The following SYN3 variants were observed in gnomAD, a reference collection of about 807,000 sequenced individuals.
SYN3 encodes synapsin-3.
SYN3 carries 35 observed loss-of-function variants against 65.8 expected under a neutral mutation model. The observed-to-expected ratio is 0.53, with a 90% CI of 0.41 to 0.70. The LOEUF (loss-of-function observed/expected upper bound fraction) is 0.70, where lower values mean the gene tolerates loss of function less well. Among genes scored for constraint, SYN3 ranks in the 30% least tolerant of loss-of-function variants. SYN3 has a pLI of 0.00. For missense variants in SYN3, 680 were observed against 749.0 expected, an observed-to-expected ratio of 0.91 and a Z score of 1.08; for synonymous variants, 270 against 292.9, an observed-to-expected ratio of 0.92 and a Z score of 0.80.
chr22:32,605,310 G>A (rs990181425), intron 6 of SYN3, among the ~76,000 whole-genome samples: 5 of 152,206 alleles, frequency 3.3e-5, no homozygotes, highest in Non-Finnish European at 5.9e-5. Context: ...GGAATGGCAA[G>A]CTTGGGAAGG....
At chr22:32,857,126 T>G in intron 6 of SYN3, 2 of 763,986 alleles carry the variant, frequency 2.6e-6, no homozygotes, top group Non-Finnish European at 4.7e-6. Context: ...AACATGAGAG[T>G]GCAGACCCCT....
chr22:32,537,971 G>A (rs2058192944), intron 9 of SYN3, 65 bp downstream of exon 9: 2 of 1,479,914 alleles, frequency 1.4e-6, no homozygotes, highest in Non-Finnish European at 1.9e-6. Flanking sequence ...AGGGCCTTTT[G>A]TTGCATTCCC....
intron 6 of SYN3, among the ~76,000 whole-genome samples, chr22:32,728,931 T>C (rs563987560): frequency 1.3e-5 from 2 of 152,254 alleles, no homozygotes; most frequent in South Asian, 2.1e-4. Flanking sequence ...GAAGAGGAGA[T>C]GCAGGAAAGC....
At chr22:32,684,608 A>G (rs1442158392) in intron 6 of SYN3, among the ~76,000 whole-genome samples, 1 of 152,242 alleles carries the variant, frequency 6.6e-6, no homozygotes, top group Non-Finnish European at 1.5e-5. Flanking sequence ...AATTTCTTGC[A>G]CTTGAAAGCA....
chr22:32,973,410 C>G lies in SYN3; in HGVS notation c.369+7235G>C, dbSNP rs770134019. 3.9e-5 allele frequency among the ~76,000 whole-genome samples: 6 copies of G among 151,910 alleles called. No individual in the cohort carries two copies. The South Asian group carries it at 1.0e-3, about 26-fold the overall frequency. ...AATTTTTAACTATTTGAATATACTA[C>G]TTTTACCCCCGCCAAAAAAGAAAAA... On this transcript the variant is annotated intron_variant, in intron 3 of 13. Coordinates refer to ENST00000358763, the MANE Select transcript of SYN3 (RefSeq NM_003490.4).
intron 6 of SYN3, among the ~76,000 whole-genome samples, chr22:32,606,812 A>ATT (rs112524264): frequency 1.3e-5 from 2 of 150,616 alleles, no homozygotes; most frequent in African/African-American, 2.4e-5. Context: ...TTTATTTTTT[A>ATT]TTTTTTTAAT....
rs2057717437 is a variant in SYN3, at chr22:32,513,431, T to A, written c.*261A>T. On this transcript the variant is annotated 3_prime_UTR_variant, in exon 14 of 14. Coordinates refer to ENST00000358763, the MANE Select transcript of SYN3 (RefSeq NM_003490.4). The stretch of plus-strand genomic sequence containing the variant: ...AGCAGGCACGTGGGTAGGCAGAGGG[T>A]GTGATGCCCATCGCTCAGGCCTGTT... 2.8e-6 allele frequency: 1 copy of A among 351,902 alleles called. No homozygotes were observed. 21.8% of individuals were successfully genotyped at this position (351,902 alleles called of 1,614,324 possible).
chr22:33,043,670 T>G (rs1316890100), intron 1 of SYN3, among the ~76,000 whole-genome samples: 1 of 152,232 alleles, frequency 6.6e-6, no homozygotes, highest in East Asian at 1.9e-4. Flanking sequence ...CATCCTTCTG[T>G]GTCTTTGTTT....
intron 3 of SYN3, among the ~76,000 whole-genome samples, chr22:32,949,150 C>T (rs2051208213): frequency 6.6e-6 from 1 of 152,160 alleles, no homozygotes; most frequent in South Asian, 2.1e-4. Context: ...GCAGCTCACA[C>T]TGATTTAATC....
chr22:32,851,636 A>AG (rs2048221232), intron 6 of SYN3, among the ~76,000 whole-genome samples: 1 of 152,148 alleles, frequency 6.6e-6, no homozygotes, highest in Non-Finnish European at 1.5e-5. Context: ...AGAGGCGCAA[A>AG]GGGGAAATGA....
At chr22:32,869,166 A>C in intron 4 of SYN3, 41 bp from the exon 5 acceptor site, 1 of 1,593,648 alleles carries the variant, frequency 6.3e-7, no homozygotes, top group Non-Finnish European at 8.6e-7. Context: ...TGGGACATTG[A>C]TGAAACACCA....
At chr22:32,958,013 A>G (rs778425804) in intron 3 of SYN3, among the ~76,000 whole-genome samples, 9 of 152,230 alleles carry the variant, frequency 5.9e-5, no homozygotes, top group Non-Finnish European at 1.2e-4. Flanking sequence ...ATTCCGCATC[A>G]AGAAGCAAAG....
At chr22:33,034,371 C>T (rs1044985827) in intron 1 of SYN3, among the ~76,000 whole-genome samples, 13 of 151,698 alleles carry the variant, frequency 8.6e-5, no homozygotes, top group Non-Finnish European at 1.3e-4. Flanking sequence ...CTCAGCCTCC[C>T]GAGTAGGTGG....
intron 8 of SYN3, among the ~76,000 whole-genome samples, 168 bp downstream of exon 8, chr22:32,541,403 C>G (rs991445829): frequency 6.6e-6 from 1 of 152,172 alleles, no homozygotes; most frequent in African/African-American, 2.4e-5. Flanking sequence ...CAGGGATAAG[C>G]AGTGACTGGA....
intron 6 of SYN3, among the ~76,000 whole-genome samples, chr22:32,729,073 C>T (rs964478898): frequency 6.6e-6 from 1 of 152,130 alleles, no homozygotes; most frequent in African/African-American, 2.4e-5. Flanking sequence ...TATTTATTTT[C>T]TTTTTAGTTC....
At chr22:32,700,194 A>T (rs931869050) in intron 6 of SYN3, among the ~76,000 whole-genome samples, 2 of 152,160 alleles carry the variant, frequency 1.3e-5, no homozygotes, top group African/African-American at 4.8e-5. Context: ...TAACTCAGGG[A>T]TTGACTATGG....
intron 7 of SYN3, among the ~76,000 whole-genome samples, chr22:32,593,827 G>A (rs901605018): frequency 2.0e-5 from 3 of 152,092 alleles, no homozygotes; most frequent in East Asian, 1.9e-4. Context: ...CTCAGGGATC[G>A]TGTGCAGATG....
intron 1 of SYN3, among the ~76,000 whole-genome samples, chr22:33,008,160 C>T (rs1231912856): frequency 6.6e-6 from 1 of 152,202 alleles, no homozygotes; most frequent in Admixed American, 6.5e-5. Flanking sequence ...TGGTCTCAAA[C>T]TCCTGGCCTC....
chr22:32,691,851 G>A (rs2060665152), intron 6 of SYN3, among the ~76,000 whole-genome samples: 1 of 152,042 alleles, frequency 6.6e-6, no homozygotes. Flanking sequence ...GACACCTGTA[G>A]GCCCTCACCA....
Sources: gnomAD v4.1 joint callset for allele counts (sites outside exome capture counted in the v4.1 genomes callset) on GRCh38, gnomAD v4.1.1 for gene constraint, MANE v1.5 for transcripts, NCBI Gene and HGNC (gene_info 2026-07-23, HGNC 2026-07-21) for gene names.